XIRP2: variants seen among roughly 807,000 people sequenced by gnomAD.
XIRP2 encodes xin actin binding repeat containing 2, also known as xin actin-binding repeat-containing protein 2.
XIRP2 carries 236 observed loss-of-function variants against 277.0 expected under a neutral mutation model. That is an observed-to-expected ratio of 0.85 (90% CI 0.77 to 0.95). XIRP2 has a LOEUF of 0.95. Among genes scored for constraint, XIRP2 ranks in the 40% least tolerant of loss-of-function variants. The pLI is 0.00. For missense variants in XIRP2, 4,640 were observed against 4,157.5 expected, an observed-to-expected ratio of 1.12 and a Z score of -3.19; for synonymous variants, 1,490 against 1,416.5, an observed-to-expected ratio of 1.05 and a Z score of -1.17.
At chr2:167,032,957 T>A (rs936188979) in intron 2 of XIRP2, among the ~76,000 whole-genome samples, 1 of 152,070 alleles carries the variant, frequency 6.6e-6, no homozygotes, top group African/African-American at 2.4e-5. Context: ...TATACCCAAA[T>A]GATTATAAAT....
intron 1 of XIRP2, among the ~76,000 whole-genome samples, chr2:166,889,336 A>G (rs2105322658): frequency 6.6e-6 from 1 of 152,148 alleles, no homozygotes; most frequent in South Asian, 2.1e-4. Flanking sequence ...TCGCCCCCAG[A>G]CACCTCCCTA....
At chr2:166,959,411 T>G (rs1226702988) in intron 2 of XIRP2, among the ~76,000 whole-genome samples, 1 of 151,868 alleles carries the variant, frequency 6.6e-6, no homozygotes, top group African/African-American at 2.4e-5. Flanking sequence ...AGTTGTGTGA[T>G]TAGATTTTTA....
At position 167,248,008 on chromosome 2, in the gene XIRP2, C is replaced by A. The variant is rs1695335025; in HGVS notation, c.6616C>A (p.Leu2206Ile). The change falls in exon 9 of 11, where the codon CTT becomes ATT. Residue 2206 changes from leucine to isoleucine, a missense_variant. By Grantham distance (5) the Leu-to-Ile change is conservative. Coordinates refer to ENST00000409195, the MANE Select transcript of XIRP2 (RefSeq NM_152381.6). ...NKDIKKKNIN[L>I]QPMWQLLPVE... is the part of the protein sequence containing the mutation. The stretch of plus-strand genomic sequence containing the variant: ...GGATATAAAGAAAAAGAATATAAAC[C>A]TTCAACCAATGTGGCAGCTTTTGCC... 6.2e-7 allele frequency: 1 copy of A among 1,613,040 alleles called. No individual in the cohort carries two copies. The highest frequency in any genetic ancestry group is 1.1e-5 in the South Asian group (1 of 90,992).
chr2:167,227,647 C>T (rs555168208), intron 5 of XIRP2, among the ~76,000 whole-genome samples: 27 of 152,080 alleles, frequency 1.8e-4, no homozygotes, highest in Admixed American at 3.9e-4. Context: ...TTCAAAGCCA[C>T]AGTAAGCCAT....
At chr2:167,167,009 T>G (rs1242183871) in intron 3 of XIRP2, among the ~76,000 whole-genome samples, 2 of 152,176 alleles carry the variant, frequency 1.3e-5, no homozygotes, top group African/African-American at 2.4e-5. Flanking sequence ...TCTCATAGTT[T>G]GATGCTCTAT....
At chr2:167,054,325 A>G (rs2175413) in intron 2 of XIRP2, among the ~76,000 whole-genome samples, 9,704 of 152,276 alleles carry the variant, frequency 0.064, 628 homozygotes, top group African/African-American at 0.16. Flanking sequence ...TTTGCTGAAC[A>G]CTTTATCAAA....
In XIRP2 at chr2:166,903,691, T is replaced by A. The variant is rs971699443; in HGVS notation, c.209T>A (p.Met70Lys). The A allele has an allele frequency of 6.8e-6, 11 of 1,613,518 alleles. No homozygotes were observed. Among genetic ancestry groups the A allele is most frequent in the Non-Finnish European group, 9.3e-6 (11 of 1,179,756 alleles). ...CTGCCCTACAGTACAGGGGAAGAGA[T>A]GTGGAGTTCGAAGCCGGAAGAGAAG... ...TSLPYSTGEE[M>K]WSSKPEEKDS... Residue 70 changes from methionine (M) to lysine (K), a missense_variant, in exon 2 of 11, where the codon ATG becomes AAG. Physicochemically the swap from Met to Lys is moderately conservative, Grantham distance 95. Transcript: ENST00000409195.
chr2:166,951,058 A>G (rs1686014759), intron 2 of XIRP2, among the ~76,000 whole-genome samples: 1 of 152,068 alleles, frequency 6.6e-6, no homozygotes, highest in Non-Finnish European at 1.5e-5. Flanking sequence ...AGAGGCATAA[A>G]CAAACAGGGA....
In XIRP2 at chr2:167,045,336, G is replaced by A. The variant is rs558859140; in HGVS notation, c.409-90573G>A. ...CCTAGAAAATACCATTCTGGATATT[G>A]GCCTAAGCAAACATTTTATGACAAA... On this transcript the variant is annotated intron_variant, in intron 2 of 10. Coordinates refer to ENST00000409195, the MANE Select transcript of XIRP2 (RefSeq NM_152381.6). Among the ~76,000 whole-genome samples, 8 of 152,060 alleles carry A rather than the reference G, an allele frequency of 5.3e-5. No homozygotes were observed. In the South Asian group the frequency reaches 1.7e-3, roughly 32 times the overall value.
At chr2:167,129,007 T>A (rs994404383) in intron 2 of XIRP2, among the ~76,000 whole-genome samples, 1 of 152,152 alleles carries the variant, frequency 6.6e-6, no homozygotes, top group South Asian at 2.1e-4. Context: ...CTGAGTTAGG[T>A]CATGAGGGAA....
Position 167,244,831 on chromosome 2 carries a change from G to C in XIRP2, c.3439G>C (p.Val1147Leu), listed in dbSNP as rs1167543738. The C allele has an allele frequency of 6.2e-7, 1 of 1,613,708 alleles. No homozygotes were observed. The highest frequency in any genetic ancestry group is 2.2e-5 in the East Asian group (1 of 44,834). ...CATAAAAGATGACTCTGAAACAGCA[G>C]TCAAATTGCAAACTGTAAAACAGGA... is the stretch of plus-strand genomic sequence containing the variant. ...DTIKDDSETAVKLQTVKQEEI... is the reference protein window; with the variant it reads ...DTIKDDSETALKLQTVKQEEI... Residue 1147 changes from valine (V) to leucine (L), a missense_variant, in exon 9 of 11, where the codon GTC becomes CTC. Val to Leu is a conservative substitution (Grantham distance 32, BLOSUM62 1). Transcript: ENST00000409195.
intron 3 of XIRP2, among the ~76,000 whole-genome samples, chr2:167,174,757 G>A (rs572915905): frequency 3.9e-5 from 6 of 152,128 alleles, no homozygotes; most frequent in South Asian, 2.1e-4. Flanking sequence ...TGTTTTATCT[G>A]TGTCACAGAG....
chr2:167,258,119 G>C lies in XIRP2; in HGVS notation c.*302G>C. The C allele has an allele frequency of 6.2e-7, 1 of 1,613,226 alleles. No individual in the cohort carries two copies. Among genetic ancestry groups the C allele is most frequent in the Non-Finnish European group, 8.5e-7 (1 of 1,179,554 alleles). ...TGGTAACAGTGAAGGGCAAAGGAAT[G>C]ATTTGAGAAAATTAGGGGAAAGGGG... On this transcript the variant is annotated 3_prime_UTR_variant, in exon 11 of 11. Coordinates refer to ENST00000409195, the MANE Select transcript of XIRP2 (RefSeq NM_152381.6).
At chr2:166,934,159 C>A in intron 2 of XIRP2, among the ~76,000 whole-genome samples, 1 of 118,952 alleles carries the variant, frequency 8.4e-6, no homozygotes, top group Non-Finnish European at 1.7e-5. Context: ...TGTTATATTG[C>A]ATAAAAGTCC....
intron 3 of XIRP2, among the ~76,000 whole-genome samples, chr2:167,163,251 C>A (rs1396070870): frequency 1.3e-5 from 2 of 152,128 alleles, no homozygotes; most frequent in Non-Finnish European, 1.5e-5. Flanking sequence ...AAACTGTTTT[C>A]CATAGTGTTT....
chr2:166,901,704 G>A (rs1301978524), intron 1 of XIRP2, among the ~76,000 whole-genome samples: 1 of 152,094 alleles, frequency 6.6e-6, no homozygotes, highest in Non-Finnish European at 1.5e-5. Context: ...AGCATATGTT[G>A]TTTAAATTCT....
chr2:166,942,940 A>G (rs1201099150), intron 2 of XIRP2, among the ~76,000 whole-genome samples: 1 of 152,182 alleles, frequency 6.6e-6, no homozygotes, highest in Non-Finnish European at 1.5e-5. Context: ...GTTAGTAATG[A>G]AAACATCAAA....
Position 167,245,052 on chromosome 2 carries a change from G to A in XIRP2, c.3660G>A (p.Leu1220=), listed in dbSNP as rs779650356. 4.3e-6 allele frequency: 7 copies of A among 1,611,062 alleles called. No individual in the cohort carries two copies. In the African/African-American group the frequency reaches 6.7e-5, roughly 15 times the overall value. ...TAAGTTCTAGTTCAGAGGAAGTTTT[G>A]AAAAAGATCAAAACCTTAAAAACTG... The part of the protein sequence containing the change: ...DSISSSSEEV[L]KKIKTLKTED... The change falls in exon 9 of 11, where the codon TTG becomes TTA. Residue 1220 remains leucine (L), a synonymous_variant. Transcript: ENST00000409195.
In XIRP2 at chr2:167,245,595, A is replaced by T; in HGVS notation, c.4203A>T (p.Glu1401Asp). The change falls in exon 9 of 11, where the codon GAA (glutamate) becomes GAT (aspartate). Residue 1401 changes from glutamate to aspartate, a missense_variant. Transcript: ENST00000409195. ...CTCAGCCACTGGATCAGATTTCTGAAGAATCACATAATATTATGCCCAGTA... is the reference window on the plus strand; with the variant it reads ...CTCAGCCACTGGATCAGATTTCTGATGAATCACATAATATTATGCCCAGTA... Reference protein sequence around the residue: ...FETQPLDQISEESHNIMPSID... With the variant: ...FETQPLDQISDESHNIMPSID... 1 of 1,613,714 alleles carries T rather than the reference A, an allele frequency of 6.2e-7. No homozygotes were observed. Among genetic ancestry groups the T allele is most frequent in the Non-Finnish European group, 8.5e-7 (1 of 1,179,744 alleles).
Sources: gnomAD v4.1 joint callset for allele counts (sites outside exome capture counted in the v4.1 genomes callset) on GRCh38, gnomAD v4.1.1 for gene constraint, MANE v1.5 for transcripts, NCBI Gene and HGNC (gene_info 2026-07-23, HGNC 2026-07-21) for gene names.